Variants in RAB3C observed in about 807,000 individuals in gnomAD.
RAB3C encodes the protein ras-related protein Rab-3C.
A neutral mutation model predicts 26.4 loss-of-function variants in RAB3C; 17 were observed. The ratio of observed to expected loss-of-function variants is 0.64; its 90% CI spans 0.44 to 0.97. The LOEUF (loss-of-function observed/expected upper bound fraction) is 0.97, where lower values mean the gene tolerates loss of function less well. Ranked by LOEUF, RAB3C falls within the 50% of genes least tolerant of loss-of-function variation. RAB3C has a pLI of 0.00. For missense variants in RAB3C, 242 were observed against 281.9 expected (o/e 0.86, Z 1.01); for synonymous variants, 91 against 95.9 (o/e 0.95, Z 0.30).
Position 58,592,179 on chromosome 5 carries a change from G to C in RAB3C, c.24+8947G>C, listed in dbSNP as rs185168163. On this transcript the variant is annotated intron_variant, in intron 1 of 4. Transcript: ENST00000282878. ...CTCCTAAAGTGCTGGGATTACAGGC[G>C]TGAGCCACTGCACCCAGCCCTCTAT... 1.4e-3 allele frequency among the ~76,000 whole-genome samples: 212 copies of C among 152,174 alleles called. 1 individual carries two copies. Among genetic ancestry groups the C allele is most frequent in the African/African-American group, 4.3e-3 (178 of 41,526 alleles).
chr5:58,694,819 T>C, intron 2 of RAB3C, among the ~76,000 whole-genome samples: 1 of 152,202 alleles, frequency 6.6e-6, no homozygotes, highest in Non-Finnish European at 1.5e-5. Context: ...CTTTGTAGAT[T>C]CTGGATATTA....
rs192480971 is a variant in RAB3C at position 58,849,714 on chromosome 5, G to A, written c.497-1450G>A. Among the ~76,000 whole-genome samples the A allele has an allele frequency of 3.7e-3, 567 of 152,292 alleles. 2 individuals are homozygous for A. Among genetic ancestry groups the A allele is most frequent in the Middle Eastern group, 6.8e-3 (2 of 294 alleles). ...ATTCATGTGGATTTTAACGAGAGTA[G>A]CTAGTGAAATTCAAGCTCAGATGTA... On this transcript the variant is annotated intron_variant, in intron 4 of 4. Transcript: ENST00000282878.
At chr5:58,797,352 AAATATGTATATATATAATATATATAT>A (rs1212101526) in intron 3 of RAB3C, among the ~76,000 whole-genome samples, 1 of 58,366 alleles carries the variant, frequency 1.7e-5, no homozygotes, top group Admixed American at 1.9e-4. Context: ...AAAAAAAAAA[AAATATGTATATATATAATATATATAT>A]ATATATATAT....
intron 2 of RAB3C, among the ~76,000 whole-genome samples, chr5:58,649,616 G>A (rs181018518): frequency 5.3e-5 from 8 of 152,070 alleles, no homozygotes; most frequent in Middle Eastern, 3.4e-3. Context: ...AGGCTCCAAG[G>A]CACCCAGAAT....
chr5:58,839,282 G>T (rs1019115171), intron 4 of RAB3C, among the ~76,000 whole-genome samples: 1 of 151,196 alleles, frequency 6.6e-6, no homozygotes, highest in Admixed American at 6.6e-5. Flanking sequence ...TATATCTTTT[G>T]TTTCTTATTT....
chr5:58,630,591 G>C (rs1301645366), intron 2 of RAB3C, among the ~76,000 whole-genome samples: 3 of 152,122 alleles, frequency 2.0e-5, no homozygotes. Context: ...TTTCATATCT[G>C]TTTCCTTATT....
chr5:58,787,995 C>G (rs181242247), intron 3 of RAB3C, among the ~76,000 whole-genome samples: 6 of 152,218 alleles, frequency 3.9e-5, no homozygotes, highest in Admixed American at 3.9e-4. Context: ...ACAGAGAAAA[C>G]CTTACCACAG....
intron 2 of RAB3C, among the ~76,000 whole-genome samples, chr5:58,718,366 C>A (rs1221799378): frequency 1.3e-5 from 2 of 152,030 alleles, no homozygotes; most frequent in Non-Finnish European, 2.9e-5. Flanking sequence ...CCATCTCCAA[C>A]TTTCATGAGC....
At chr5:58,646,460 A>T (rs866115844) in intron 2 of RAB3C, among the ~76,000 whole-genome samples, 13 of 151,622 alleles carry the variant, frequency 8.6e-5, no homozygotes, top group African/African-American at 2.9e-4. Flanking sequence ...TCGGTGGAAA[A>T]AAAAAGAAAA....
intron 2 of RAB3C, among the ~76,000 whole-genome samples, chr5:58,699,402 A>G (rs984975395): frequency 6.6e-6 from 1 of 152,220 alleles, no homozygotes; most frequent in African/African-American, 2.4e-5. Context: ...GGTGTCCTCC[A>G]GTTAGGCTAC....
intron 4 of RAB3C, among the ~76,000 whole-genome samples, chr5:58,829,838 G>A (rs562391874): frequency 1.1e-4 from 17 of 152,172 alleles, no homozygotes; most frequent in African/African-American, 4.1e-4. Context: ...CTTATATTTT[G>A]CCATTTTACC....
At chr5:58,609,758 T>C (rs1746657249) in intron 1 of RAB3C, among the ~76,000 whole-genome samples, 1 of 152,214 alleles carries the variant, frequency 6.6e-6, no homozygotes. Context: ...AAAATAGTTA[T>C]TCATTCCCTG....
intron 2 of RAB3C, among the ~76,000 whole-genome samples, chr5:58,692,190 C>G (rs1748583830): frequency 6.6e-6 from 1 of 152,070 alleles, no homozygotes; most frequent in East Asian, 1.9e-4. Flanking sequence ...TAAAATATAG[C>G]CACGTCCATT....
chr5:58,797,356 ATGTATATATATAATATATAT>A (rs1742687615), intron 3 of RAB3C, among the ~76,000 whole-genome samples: 3 of 33,886 alleles, frequency 8.9e-5, no homozygotes, highest in African/African-American at 4.1e-4. Flanking sequence ...AAAAAAAAAT[ATGTATATATATAATATATAT>A]ATATATATAT....
At chr5:58,640,932 T>G (rs1193601497) in intron 2 of RAB3C, among the ~76,000 whole-genome samples, 1 of 152,238 alleles carries the variant, frequency 6.6e-6, no homozygotes, top group African/African-American at 2.4e-5. Flanking sequence ...TTTTGTACTC[T>G]TGTTTTAGGA....
At chr5:58,617,165 A>T (rs528228249) in intron 1 of RAB3C, among the ~76,000 whole-genome samples, 71 of 152,178 alleles carry the variant, frequency 4.7e-4, no homozygotes, top group Non-Finnish European at 3.5e-4. Context: ...ATTTGATATG[A>T]TAATAAATGA....
chr5:58,715,007 G>A (rs975535006), intron 2 of RAB3C, among the ~76,000 whole-genome samples: 1 of 151,898 alleles, frequency 6.6e-6, no homozygotes, highest in South Asian at 2.1e-4. Flanking sequence ...TTAATTCAGA[G>A]CTGAAAAGGA....
At chr5:58,596,705 A>G (rs1348145347) in intron 1 of RAB3C, among the ~76,000 whole-genome samples, 3 of 34,840 alleles carry the variant, frequency 8.6e-5, no homozygotes, top group African/African-American at 2.9e-4. Context: ...AATATATTAT[A>G]TATAAATATA....
At chr5:58,625,386 A>G (rs1013453516) in intron 2 of RAB3C, among the ~76,000 whole-genome samples, 1 of 152,212 alleles carries the variant, frequency 6.6e-6, no homozygotes, top group African/African-American at 2.4e-5. Flanking sequence ...AAAATAATAA[A>G]TCAAATGGTA....
Sources: allele counts gnomAD v4.1 joint callset (sites outside exome capture counted in the v4.1 genomes callset), GRCh38; gene constraint gnomAD v4.1.1; transcripts MANE v1.5; gene names NCBI Gene and HGNC (gene_info 2026-07-23, HGNC 2026-07-21).